SAMD12: variants seen among roughly 807,000 people sequenced by gnomAD.
The protein encoded by SAMD12 is sterile alpha motif domain-containing protein 12.
In SAMD12, 9 loss-of-function variants were observed where a neutral mutation model predicts 15.0. That is an observed-to-expected ratio of 0.60 (90% CI 0.36 to 1.05). SAMD12 has a LOEUF of 1.05. SAMD12 is among the 50% of genes least tolerant of loss of function. The pLI is 0.01. For synonymous variants in SAMD12, 86 were observed against 90.1 expected (o/e 0.96, Z 0.25); for missense variants, 230 against 234.2 (o/e 0.98, Z 0.12).
chr8:118,534,183 A>C (rs920931552), intron 2 of SAMD12, among the ~76,000 whole-genome samples: 34 of 152,100 alleles, frequency 2.2e-4, no homozygotes, highest in African/African-American at 8.0e-4. Flanking sequence ...AAAGTATTTT[A>C]TTTCTCCTTC....
the SAMD12 span, among the ~76,000 whole-genome samples, chr8:118,178,454 T>C: frequency 6.6e-6 from 1 of 151,992 alleles, no homozygotes; most frequent in African/African-American, 2.4e-5. Flanking sequence ...AAACACTAGG[T>C]TTTTTTTAAA....
chr8:118,528,279 G>A (rs940209924), intron 2 of SAMD12, among the ~76,000 whole-genome samples: 5 of 152,140 alleles, frequency 3.3e-5, no homozygotes, highest in African/African-American at 9.7e-5. Context: ...TGATCTGCCC[G>A]CCTTGGCCTC....
intron 3 of SAMD12, among the ~76,000 whole-genome samples, chr8:118,399,305 AC>A (rs1047020027): frequency 1.3e-5 from 2 of 152,060 alleles, no homozygotes; most frequent in African/African-American, 2.4e-5. Context: ...GAATCAAACC[AC>A]AATTCCCAGC....
chr8:118,156,536 C>T, the SAMD12 span, among the ~76,000 whole-genome samples: 9 of 152,250 alleles, frequency 5.9e-5, no homozygotes, highest in East Asian at 1.5e-3. Flanking sequence ...CCTAACAAAA[C>T]CTTTGTACTC....
chr8:118,335,238 G>A (rs1016239489), intron 4 of SAMD12, among the ~76,000 whole-genome samples: 1 of 152,146 alleles, frequency 6.6e-6, no homozygotes, highest in Non-Finnish European at 1.5e-5. Context: ...TGCTCCCAAT[G>A]TGGCTCATCC....
At chr8:118,286,290 C>T (rs1487088975) in intron 4 of SAMD12, among the ~76,000 whole-genome samples, 2 of 151,672 alleles carry the variant, frequency 1.3e-5, no homozygotes, top group East Asian at 3.9e-4. Context: ...ATGTTGTGCA[C>T]ATGTACCCTA....
intron 2 of SAMD12, among the ~76,000 whole-genome samples, chr8:118,485,945 T>C (rs1215897558): frequency 1.3e-5 from 2 of 152,172 alleles, no homozygotes; most frequent in Non-Finnish European, 2.9e-5. Flanking sequence ...CACAATGAGG[T>C]ACACGAGAAT....
intron 4 of SAMD12, among the ~76,000 whole-genome samples, chr8:118,271,730 T>C (rs1025447170): frequency 6.6e-6 from 1 of 152,194 alleles, no homozygotes; most frequent in East Asian, 1.9e-4. Context: ...CTCATGCAAG[T>C]CTGAAATCCA....
intron 2 of SAMD12, among the ~76,000 whole-genome samples, chr8:118,444,210 G>A (rs1181096893): frequency 6.6e-6 from 1 of 151,876 alleles, no homozygotes; most frequent in African/African-American, 2.4e-5. Flanking sequence ...CTGCCCAATG[G>A]CAAACATTAA....
intron 2 of SAMD12, among the ~76,000 whole-genome samples, chr8:118,555,179 T>G (rs796963013): frequency 6.6e-6 from 1 of 152,200 alleles, no homozygotes. Context: ...ACAGCGTACC[T>G]CCTCACATCC....
rs973164553 is a variant in SAMD12, at chr8:118,434,930, C to T, written c.322+4902G>A. On this transcript the variant is annotated intron_variant, in intron 3 of 3. Transcript: ENST00000314727. The stretch of plus-strand genomic sequence containing the variant: ...CCCGGCTAAAAAAACGGTGAAACCC[C>T]GTCTCTACTAAAAATACAAAAAATT... Among the ~76,000 whole-genome samples, 2 of 53,972 alleles carry T rather than the reference C, an allele frequency of 3.7e-5. 1 individual carries two copies. Among genetic ancestry groups the T allele is most frequent in the Non-Finnish European group, 9.5e-5 (2 of 21,160 alleles). The allele number at this position is 53,972 out of a possible 152,430, so 35.4% of individuals were successfully genotyped here. A position where few individuals can be genotyped will look rare whatever the true frequency, so the allele number is the denominator to read the frequency against.
At chr8:118,468,873 T>G (rs1823674303) in intron 2 of SAMD12, among the ~76,000 whole-genome samples, 1 of 152,222 alleles carries the variant, frequency 6.6e-6, no homozygotes, top group Non-Finnish European at 1.5e-5. Flanking sequence ...CTTATTTTGC[T>G]GATGACTAAC....
downstream of SAMD12, among the ~76,000 whole-genome samples, chr8:118,373,339 T>C (rs11786582): frequency 0.18 from 27,492 of 152,022 alleles, 2,714 homozygotes; most frequent in South Asian, 0.25. Context: ...AACAAGTCTA[T>C]TGCTCCATTC....
intron 2 of SAMD12, 131 bp from the exon 3 acceptor site, chr8:118,440,092 C>T: frequency 2.4e-6 from 2 of 847,864 alleles, no homozygotes; most frequent in Non-Finnish European, 1.8e-6. Context: ...TCTTGTCTTT[C>T]TCCTAACCTC....
At chr8:118,133,810 T>A in the SAMD12 span, among the ~76,000 whole-genome samples, 1 of 152,096 alleles carries the variant, frequency 6.6e-6, no homozygotes, top group Non-Finnish European at 1.5e-5. Context: ...CTCATTCTAA[T>A]GTGAATTTAT....
chr8:118,222,805 G>C (rs190701875), intron 4 of SAMD12, among the ~76,000 whole-genome samples: 484 of 152,182 alleles, frequency 3.2e-3, no homozygotes, highest in Non-Finnish European at 5.8e-3. Context: ...GCACCCGGCC[G>C]AGGAAGTGCA....
chr8:118,616,611 G>A (rs149705695), intron 1 of SAMD12, among the ~76,000 whole-genome samples: 89 of 152,298 alleles, frequency 5.8e-4, no homozygotes, highest in African/African-American at 2.0e-3. Context: ...GAGCAAGTCT[G>A]TGAAAAGGCA....
At chr8:118,194,236 T>C (rs565309765) in exon 5 of SAMD12, 2 of 152,250 alleles carry the variant, frequency 1.3e-5, no homozygotes, top group East Asian at 3.9e-4. Context: ...ACCGTTAGCC[T>C]CTTTCTGAGC....
At chr8:118,409,193 T>C (rs572388942) in intron 3 of SAMD12, among the ~76,000 whole-genome samples, 1 of 152,202 alleles carries the variant, frequency 6.6e-6, no homozygotes, top group African/African-American at 2.4e-5. Flanking sequence ...GAAAGTTAAT[T>C]TTTCAAATTA....
Sources: gnomAD v4.1 joint callset for allele counts (sites outside exome capture counted in the v4.1 genomes callset) on GRCh38, gnomAD v4.1.1 for gene constraint, MANE v1.5 for transcripts, NCBI Gene and HGNC (gene_info 2026-07-23, HGNC 2026-07-21) for gene names.